The following SOCS5 variants were observed in gnomAD, a reference collection of about 807,000 sequenced individuals.
SOCS5 encodes CIS-6.
SOCS5 carries 32 observed loss-of-function variants against 42.8 expected under a neutral mutation model. That is an observed-to-expected ratio of 0.75 (90% CI 0.56 to 1.01). The LOEUF is 1.01. Among genes scored for constraint, SOCS5 ranks in the 50% least tolerant of loss-of-function variants. SOCS5 has a pLI of 0.00. For synonymous variants in SOCS5, 283 were observed against 229.6 expected (o/e 1.23, Z -2.10); for missense variants, 627 against 653.0 (o/e 0.96, Z 0.43).
At chr2:46,744,901 T>G (rs1673465914) in intron 1 of SOCS5, among the ~76,000 whole-genome samples, 1 of 150,034 alleles carries the variant, frequency 6.7e-6, no homozygotes, top group South Asian at 2.1e-4. Context: ...GAAATAGTTG[T>G]GGAATGGTTC....
intron 1 of SOCS5, among the ~76,000 whole-genome samples, chr2:46,716,991 G>A (rs1198094814): frequency 1.3e-5 from 2 of 152,150 alleles, no homozygotes; most frequent in Non-Finnish European, 2.9e-5. Flanking sequence ...GGCCCTGTGT[G>A]AACTCTAAAT....
intron 1 of SOCS5, among the ~76,000 whole-genome samples, chr2:46,732,478 G>A (rs1673147976): frequency 6.6e-6 from 1 of 152,230 alleles, no homozygotes; most frequent in Non-Finnish European, 1.5e-5. Flanking sequence ...AAACTCCTAT[G>A]TAGTTTGAAC....
chr2:46,742,723 T>G (rs1023023234), intron 1 of SOCS5, among the ~76,000 whole-genome samples: 1 of 152,122 alleles, frequency 6.6e-6, no homozygotes, highest in Non-Finnish European at 1.5e-5. Flanking sequence ...TGGAGTGCAA[T>G]GGCGCGATCT....
intron 1 of SOCS5, among the ~76,000 whole-genome samples, chr2:46,743,826 C>G (rs1278868342): frequency 6.6e-6 from 1 of 152,058 alleles, no homozygotes; most frequent in African/African-American, 2.4e-5. Flanking sequence ...TTTGTATTTT[C>G]TGTTGGTAAT....
In SOCS5 at chr2:46,760,451, AT is replaced by A; in HGVS notation, c.*313del. ...TGGGGCATTTGTTATGAAGAATTCT[AT>A]TTCTTACTGAAGAACAAATTATTAA... is the stretch of plus-strand genomic sequence containing the variant. On this transcript the variant is annotated 3_prime_UTR_variant, in exon 2 of 2. Coordinates refer to ENST00000394861, the MANE Select transcript of SOCS5 (RefSeq NM_144949.3). 3.9e-6 allele frequency: 1 copy of A among 257,854 alleles called. No individual in the cohort carries two copies. The highest frequency in any genetic ancestry group is 7.9e-6 in the Non-Finnish European group (1 of 126,506). The allele number at this position is 257,854 out of a possible 1,614,324, so 16.0% of individuals were successfully genotyped here. A position where few individuals can be genotyped will look rare whatever the true frequency, so the allele number is the denominator to read the frequency against.
In SOCS5 at chr2:46,734,703, C is replaced by A. The variant is rs566274437; in HGVS notation, c.-12-23816C>A. Among the ~76,000 whole-genome samples the A allele has an allele frequency of 2.6e-5, 4 of 152,150 alleles. No homozygotes were observed. The East Asian group carries it at 7.7e-4, about 29-fold the overall frequency. On this transcript the variant is annotated intron_variant, in intron 1 of 1. Coordinates refer to ENST00000394861, the MANE Select transcript of SOCS5 (RefSeq NM_144949.3). ...TTTTTTCCTGAACCCCTGTCCTCAT[C>A]ATACCCAATCCATACTGCTTTGATT... is the stretch of plus-strand genomic sequence containing the variant.
At chr2:46,753,445 A>G (rs1224786113) in intron 1 of SOCS5, among the ~76,000 whole-genome samples, 3 of 152,232 alleles carry the variant, frequency 2.0e-5, no homozygotes, top group Admixed American at 6.5e-5. Context: ...TAGAAGGGAT[A>G]CATACCTTAA....
intron 1 of SOCS5, among the ~76,000 whole-genome samples, chr2:46,700,689 TGTTTA>T (rs750910233): frequency 8.5e-5 from 13 of 152,178 alleles, no homozygotes; most frequent in Non-Finnish European, 1.5e-4. Context: ...TAATGTCAGT[TGTTTA>T]GTTTAATTTT....
At chr2:46,729,897 A>G (rs1178759525) in intron 1 of SOCS5, among the ~76,000 whole-genome samples, 9 of 152,248 alleles carry the variant, frequency 5.9e-5, no homozygotes, top group Middle Eastern at 3.2e-3. Context: ...TTAAAACACA[A>G]ACATATACAG....
chr2:46,731,238 C>G (rs1184296946), intron 1 of SOCS5, among the ~76,000 whole-genome samples: 2 of 152,068 alleles, frequency 1.3e-5, no homozygotes, highest in African/African-American at 2.4e-5. Flanking sequence ...GGATGATACC[C>G]TCATGAATGG....
intron 1 of SOCS5, among the ~76,000 whole-genome samples, chr2:46,744,819 C>T (rs1273325239): frequency 5.3e-5 from 8 of 151,640 alleles, no homozygotes; most frequent in Non-Finnish European, 1.0e-4. Context: ...TGAGCCACCG[C>T]GCCCGGCTGT....
intron 1 of SOCS5, among the ~76,000 whole-genome samples, chr2:46,710,981 T>C (rs1292932593): frequency 6.6e-6 from 1 of 152,254 alleles, no homozygotes; most frequent in African/African-American, 2.4e-5. Flanking sequence ...TCAGCATGTT[T>C]TTGAGGTTCA....
At position 46,759,342 on chromosome 2, in the gene SOCS5, G is replaced by C; in HGVS notation, c.812G>C (p.Ser271Thr). ...EDRLRERRRL[S>T]IEEGVDPPPN... ...AGGCTTAGAGAGAGAAGGCGGCTTA[G>C]TATTGAAGAAGGGGTTGATCCCCCT... Residue 271 changes from serine (S) to threonine (T), a missense_variant, in exon 2 of 2, where the codon AGT becomes ACT. Ser to Thr is a moderately conservative substitution (Grantham distance 58). Around this residue, in one of 3 missense-constraint regions of SOCS5, gnomAD observed 340 missense variants for 367.6 expected, o/e 0.92. Transcript: ENST00000394861. 6.2e-7 allele frequency: 1 copy of C among 1,613,940 alleles called. No individual in the cohort carries two copies. The highest frequency in any genetic ancestry group is 8.5e-7 in the Non-Finnish European group (1 of 1,179,830).
chr2:46,732,994 A>G (rs1347888862), intron 1 of SOCS5, among the ~76,000 whole-genome samples: 1 of 151,964 alleles, frequency 6.6e-6, no homozygotes, highest in African/African-American at 2.4e-5. Flanking sequence ...TCATAATTGG[A>G]GAGATTTTAA....
At chr2:46,723,009 T>TTAAG (rs1231053023) in intron 1 of SOCS5, among the ~76,000 whole-genome samples, 1 of 152,118 alleles carries the variant, frequency 6.6e-6, no homozygotes, top group Non-Finnish European at 1.5e-5. Flanking sequence ...TGTTATATGC[T>TTAAG]TTCTTAATGT....
Position 46,713,859 on chromosome 2 carries a change from C to G in SOCS5, c.-13+14410C>G, listed in dbSNP as rs41404744. Among the ~76,000 whole-genome samples the G allele has an allele frequency of 4.1e-4, 62 of 152,104 alleles. 1 individual carries two copies. Among genetic ancestry groups the G allele is most frequent in the African/African-American group, 1.5e-3 (61 of 41,410 alleles). On this transcript the variant is annotated intron_variant, in intron 1 of 1. Coordinates refer to ENST00000394861, the MANE Select transcript of SOCS5 (RefSeq NM_144949.3). ...ATATTGATATGATTTAATTATTATT[C>G]CATTCAAAATATTTTTAAATTCCTC... is the stretch of plus-strand genomic sequence containing the variant.
chr2:46,700,644 A>G (rs565813779), intron 1 of SOCS5, among the ~76,000 whole-genome samples: 37 of 152,338 alleles, frequency 2.4e-4, no homozygotes, highest in Middle Eastern at 3.4e-3. Context: ...AAGCAATACT[A>G]AAATCAGGTT....
At chr2:46,757,538 A>G (rs1230874666) in intron 1 of SOCS5, among the ~76,000 whole-genome samples, 1 of 152,190 alleles carries the variant, frequency 6.6e-6, no homozygotes, top group Non-Finnish European at 1.5e-5. Flanking sequence ...ACAGTTTCCC[A>G]ACTCTTCCAG....
At chr2:46,733,641 T>A (rs937717696) in intron 1 of SOCS5, among the ~76,000 whole-genome samples, 9 of 141,596 alleles carry the variant, frequency 6.4e-5, no homozygotes, top group Non-Finnish European at 1.4e-4. Flanking sequence ...GCAAGTAAAA[T>A]TCAAGGTTAA....
Sources: gnomAD v4.1 joint callset for allele counts (sites outside exome capture counted in the v4.1 genomes callset) on GRCh38, gnomAD v4.1.1 for gene constraint, gnomAD v4.1.1 regional missense constraint, MANE v1.5 for transcripts, NCBI Gene and HGNC (gene_info 2026-07-23, HGNC 2026-07-21) for gene names.